The following MPO variants were observed in gnomAD, a reference collection of about 807,000 sequenced individuals.
The protein encoded by MPO is myeloperoxidase.
A neutral mutation model predicts 69.4 loss-of-function variants in MPO; 57 were observed. The ratio of observed to expected loss-of-function variants is 0.82; its 90% CI spans 0.66 to 1.02. The LOEUF is 1.02. MPO is among the 50% of genes least tolerant of loss of function. The probability of loss-of-function intolerance (pLI) is 0.00; values close to 1 mark genes in which losing one functional copy is unlikely to be tolerated. For synonymous variants in MPO, 426 were observed against 417.1 expected (o/e 1.02, Z -0.26); for missense variants, 971 against 1,014.1 (o/e 0.96, Z 0.58).
rs55893734 is a variant in MPO, at chr17:58,274,347, A to AGTGTGTGTGTGTGTGT, written c.1366-694_1366-679dup. The AGTGTGTGTGTGTGTGT allele has an allele frequency of 2.1e-5, 7 of 334,642 alleles. No homozygotes were observed. In the East Asian group the frequency reaches 2.6e-4, roughly 12 times the overall value. 20.7% of individuals were successfully genotyped at this position (334,642 alleles called of 1,614,324 possible). ...AAAACTCTCTCCTCCAGAATCTAGG[A>AGTGTGTGTGTGTGTGT]GTGTGTGTGTGTGTGTGTGTGTGTG... On this transcript the variant is annotated intron_variant, in intron 8 of 11. Transcript: ENST00000225275.
At position 58,271,749 on chromosome 17, in the gene MPO, C is replaced by T. The variant is rs1435800082; in HGVS notation, c.1936G>A (p.Gly646Ser). The T allele has an allele frequency of 6.2e-6, 10 of 1,613,794 alleles. No individual in the cohort carries two copies. Among genetic ancestry groups the T allele is most frequent in the East Asian group, 2.2e-5 (1 of 44,894 alleles). ...TTGCGCTTCAGAGGCTCGGACACGC[C>T]GCCCATCCAGATGTCGATGTTGTTG... ...TPNNIDIWMG[G>S]VSEPLKRKGR... Residue 646 changes from glycine (G) to serine (S), a missense_variant, in exon 11 of 12, where the codon GGC (glycine) becomes AGC (serine). Transcript: ENST00000225275.
rs767276352 is a variant in MPO at position 58,279,285 on chromosome 17, G to A, written c.678+12C>T. On this transcript the variant is annotated intron_variant, in intron 5 of 11. Coordinates refer to ENST00000225275, the MANE Select transcript of MPO (RefSeq NM_000250.2). ...TGGCCGGGCCTCGCCCCCTCTGCCC[G>A]CCGGCGCTCACCAGAGCCACCGGGA... 1 of 1,562,702 alleles carries A rather than the reference G, an allele frequency of 6.4e-7. No individual in the cohort carries two copies. The highest frequency in any genetic ancestry group is 1.2e-5 in the South Asian group (1 of 85,874).
Position 58,269,998 on chromosome 17 carries a change from C to A in MPO, c.*658G>T. 6.5e-6 allele frequency: 1 copy of A among 154,814 alleles called. No homozygotes were observed. The allele number at this position is 154,814 out of a possible 1,614,324, so 9.6% of individuals were successfully genotyped here. On this transcript the variant is annotated 3_prime_UTR_variant, in exon 12 of 12. Coordinates refer to ENST00000225275, the MANE Select transcript of MPO (RefSeq NM_000250.2). Reference sequence around the variant, plus strand: ...CAGGGTGAGGAAGAAAAAGGGGAGCCATGGCCTGAGCCTGGCTGGCTGGGC... The same window carrying A: ...CAGGGTGAGGAAGAAAAAGGGGAGCAATGGCCTGAGCCTGGCTGGCTGGGC...
At position 58,270,851 on chromosome 17, in the gene MPO, C is replaced by G; in HGVS notation, c.2043G>C (p.Glu681Asp). 1 of 1,613,320 alleles carries G rather than the reference C, an allele frequency of 6.2e-7. No homozygotes were observed. The highest frequency in any genetic ancestry group is 8.5e-7 in the Non-Finnish European group (1 of 1,180,028). The change falls in exon 12 of 12, where the codon GAG (glutamate) becomes GAC (aspartate). Residue 681 changes from glutamate to aspartate, a missense_variant. Glu to Asp is a conservative substitution (Grantham distance 45). Coordinates refer to ENST00000225275, the MANE Select transcript of MPO (RefSeq NM_000250.2). This position sits in a 1 kb window ranked among gnomAD's most constrained non-coding sequence, Gnocchi z 4.1. ...GCTGCATGCTGAACACACCCTCGTT[C>G]TCCCACCAAAACCTGCATGGGGAAC... ...KLRDGDRFWW[E>D]NEGVFSMQQR...
At chr17:58,276,736 C>T (rs554454711) in intron 7 of MPO, among the ~76,000 whole-genome samples, 57 of 152,254 alleles carry the variant, frequency 3.7e-4, no homozygotes, top group Non-Finnish European at 7.1e-4. Context: ...CAGGGAGAGA[C>T]CAGCAGGAAC....
chr17:58,271,446 A>G (rs1213960750), intron 11 of MPO, among the ~76,000 whole-genome samples: 1 of 152,122 alleles, frequency 6.6e-6, no homozygotes, highest in Non-Finnish European at 1.5e-5. Flanking sequence ...ACCCTTTACA[A>G]CCAGGGGTCC....
rs1970352527 is a variant in MPO, at chr17:58,270,526, A to G, written c.*130T>C. 1.3e-6 allele frequency: 1 copy of G among 791,288 alleles called. No homozygotes were observed. The highest frequency in any genetic ancestry group is 1.7e-5 in the African/African-American group (1 of 58,514). 49.0% of individuals were successfully genotyped at this position (791,288 alleles called of 1,614,324 possible). On this transcript the variant is annotated 3_prime_UTR_variant, in exon 12 of 12. Coordinates refer to ENST00000225275, the MANE Select transcript of MPO (RefSeq NM_000250.2). The surrounding 1 kb of genome is among the most constrained non-coding windows in gnomAD (Gnocchi z 4.1). ...TCGCACATACATGAGCACACAAATG[A>G]ACGTCTAGTCACTCATTTTCTCAGC...
In MPO at chr17:58,280,595, G is replaced by C; in HGVS notation, c.154+10C>G. On this transcript the variant is annotated intron_variant, in intron 1 of 11. Transcript: ENST00000225275. ...AACACACCATCTTCTCCCACCTTGGGAACTGTTACCTGGAGCAGCACCTTC... is the reference window on the plus strand; with the variant it reads ...AACACACCATCTTCTCCCACCTTGGCAACTGTTACCTGGAGCAGCACCTTC... 1.9e-6 allele frequency: 3 copies of C among 1,614,202 alleles called. No individual in the cohort carries two copies. The highest frequency in any genetic ancestry group is 2.5e-6 in the Non-Finnish European group (3 of 1,180,038).
intron 8 of MPO, 68 bp from the exon 9 acceptor site, chr17:58,273,737 A>C: frequency 1.2e-6 from 2 of 1,610,900 alleles, no homozygotes; most frequent in Non-Finnish European, 1.7e-6. Flanking sequence ...CTGGCAGCAC[A>C]GGAGGGCCAG....
chr17:58,272,942 A>G (rs1167992931), intron 9 of MPO, 24 bp from the exon 10 acceptor site: 2 of 1,613,356 alleles, frequency 1.2e-6, no homozygotes, highest in Non-Finnish European at 1.7e-6. Flanking sequence ...GAGCCAGGTC[A>G]GGGGAAGTAT....
At position 58,272,634 on chromosome 17, in the gene MPO, C is replaced by G. The variant is rs540553196; in HGVS notation, c.1792+114G>C. 728 of 1,265,790 alleles carry G rather than the reference C, an allele frequency of 5.8e-4. 3 individuals carry two copies. The African/African-American group carries it at 7.6e-3, about 13-fold the overall frequency. The allele number at this position is 1,265,790 out of a possible 1,614,324, so 78.4% of individuals were successfully genotyped here. Reference sequence around the variant, plus strand: ...AGGCTACTTCCTGAGAGCAAAGTGCCTCTAATATGCTTTGGAGAGGGCAGG... The same window carrying G: ...AGGCTACTTCCTGAGAGCAAAGTGCGTCTAATATGCTTTGGAGAGGGCAGG... On this transcript the variant is annotated intron_variant, in intron 10 of 11. Transcript: ENST00000225275.
intron 11 of MPO, 76 bp downstream of exon 11, chr17:58,271,579 A>G (rs1232417728): frequency 1.5e-5 from 22 of 1,423,720 alleles, no homozygotes; most frequent in Non-Finnish European, 2.0e-5. Flanking sequence ...AACTGACAGG[A>G]GGAAATTTGG....
Position 58,280,333 on chromosome 17 carries a change from T to G in MPO, c.248+33A>C, listed in dbSNP as rs372277702. Reference sequence around the variant, plus strand: ...CTTCTCTGAAAGGCCTGGGACATCCTTGCCCAGAGCTGGGCAGTGCCTCGT... The same window carrying G: ...CTTCTCTGAAAGGCCTGGGACATCCGTGCCCAGAGCTGGGCAGTGCCTCGT... On this transcript the variant is annotated intron_variant, in intron 2 of 11. Transcript: ENST00000225275. The G allele has an allele frequency of 1.1e-5, 18 of 1,601,106 alleles. No homozygotes were observed. In the South Asian group the frequency reaches 2.0e-4, roughly 18 times the overall value.
rs1970422061 is a variant in MPO, at chr17:58,275,237, G to A, written c.1365+305C>T. The stretch of plus-strand genomic sequence containing the variant: ...AAGAGTGACAGTGAGATGGAGGGAA[G>A]AAGAATTTACTGAACAGCTACTTGG... On this transcript the variant is annotated intron_variant, in intron 8 of 11. Transcript: ENST00000225275. The surrounding 1 kb of genome is among the most constrained non-coding windows in gnomAD (Gnocchi z 4.1). 6.6e-6 allele frequency among the ~76,000 whole-genome samples: 1 copy of A among 152,278 alleles called. No individual in the cohort carries two copies. The highest frequency in any genetic ancestry group is 2.4e-5 in the African/African-American group (1 of 41,542).
Position 58,277,827 on chromosome 17 carries a change from C to A in MPO, c.1204G>T (p.Gly402Trp), listed in dbSNP as rs772634939. The A allele has an allele frequency of 1.2e-6, 2 of 1,602,172 alleles. No homozygotes were observed. Among genetic ancestry groups the A allele is most frequent in the Non-Finnish European group, 1.7e-6 (2 of 1,179,966 alleles). Residue 402 changes from glycine to tryptophan, a missense_variant and splice_region_variant, in exon 7 of 12, where the codon GGG (glycine) becomes TGG (tryptophan). Transcript: ENST00000225275. ...CTCTGGTCCCCACCCCAAAGCTGAC[C>A]TGCCAGGAAGCAGGGGATGCGCGCT... ...RSARIPCFLA[G>W]DTRSSEMPEL...
Position 58,280,407 on chromosome 17 carries a change from G to C in MPO, c.207C>G (p.Ala69=). ...TSLVLSSMEE[A]KQLVDKAYKE... is the part of the protein sequence containing the mutation. ...TGTAGGCCTTGTCCACCAGCTGCTT[G>C]GCCTCCTCCATGGAGCTCAGCACCA... Residue 69 remains alanine, a synonymous_variant, in exon 2 of 12, where the codon GCC becomes GCG. Transcript: ENST00000225275. 1 of 1,614,022 alleles carries C rather than the reference G, an allele frequency of 6.2e-7. No homozygotes were observed. The highest frequency in any genetic ancestry group is 1.3e-5 in the African/African-American group (1 of 75,008).
At chr17:58,279,469 G>A (rs781261061) in intron 4 of MPO, 43 bp from the exon 5 acceptor site, 13 of 1,612,056 alleles carry the variant, frequency 8.1e-6, no homozygotes, top group South Asian at 2.2e-5. Flanking sequence ...GGCTTGTGGC[G>A]TCCGGGACGC....
intron 10 of MPO, among the ~76,000 whole-genome samples, 155 bp from the exon 11 acceptor site, chr17:58,272,047 C>T (rs896350530): frequency 2.6e-5 from 4 of 152,204 alleles, no homozygotes; most frequent in Non-Finnish European, 5.9e-5. Flanking sequence ...GGAAGGACCT[C>T]ACCTCAAGGA....
intron 3 of MPO, 55 bp from the exon 4 acceptor site, chr17:58,279,701 C>A: frequency 6.2e-7 from 1 of 1,613,816 alleles, no homozygotes; most frequent in East Asian, 2.2e-5. Context: ...CTATCCCAGG[C>A]AACCTGAGGC....
Sources: allele counts gnomAD v4.1 joint callset (sites outside exome capture counted in the v4.1 genomes callset), GRCh38; gene constraint gnomAD v4.1.1; non-coding constraint Gnocchi (gnomAD v3.1); transcripts MANE v1.5; gene names NCBI Gene and HGNC (gene_info 2026-07-23, HGNC 2026-07-21).